Variants in MYT1L observed in about 807,000 individuals in gnomAD.
MYT1L encodes myelin transcription factor 1-like protein.
A neutral mutation model predicts 126.7 loss-of-function variants in MYT1L; 12 were observed. The observed-to-expected ratio is 0.09, with a 90% CI of 0.06 to 0.15. The LOEUF (loss-of-function observed/expected upper bound fraction) is 0.15, where lower values mean the gene tolerates loss of function less well. MYT1L is among the 10% of genes least tolerant of loss of function. The pLI, the probability that MYT1L is intolerant of heterozygous loss-of-function variation, is 1.00. For synonymous variants in MYT1L, 541 were observed against 604.2 expected, an observed-to-expected ratio of 0.90 and a Z score of 1.53; for missense variants, 979 against 1,585.2, an observed-to-expected ratio of 0.62 and a Z score of 6.49.
chr2:2,077,361 A>T (rs1379364914), intron 3 of MYT1L, among the ~76,000 whole-genome samples: 10 of 152,226 alleles, frequency 6.6e-5, no homozygotes, highest in Admixed American at 6.5e-4. Flanking sequence ...AATTCAATGT[A>T]GAATATACAT....
At chr2:2,263,106 C>A (rs912029104) in intron 2 of MYT1L, among the ~76,000 whole-genome samples, 1 of 151,220 alleles carries the variant, frequency 6.6e-6, no homozygotes. Flanking sequence ...AAAAAGAGAA[C>A]TATCATTGCC....
intron 13 of MYT1L, among the ~76,000 whole-genome samples, chr2:1,907,897 G>C (rs924750737): frequency 6.6e-6 from 1 of 152,266 alleles, no homozygotes. Flanking sequence ...GAGGCGGAAA[G>C]CCCGCAGGAG....
intron 18 of MYT1L, among the ~76,000 whole-genome samples, chr2:1,883,079 T>C (rs987924324): frequency 6.6e-6 from 1 of 152,180 alleles, no homozygotes; most frequent in Admixed American, 6.5e-5. Context: ...GATGACTCAG[T>C]CCAGGCTGAG....
At chr2:2,153,826 A>T (rs111896730) in intron 3 of MYT1L, among the ~76,000 whole-genome samples, 33 of 152,088 alleles carry the variant, frequency 2.2e-4, no homozygotes, top group Non-Finnish European at 4.0e-4. Flanking sequence ...GTCGGGTGGC[A>T]TCTGAAGAGG....
At chr2:1,839,874 A>G (rs1289986133) in intron 20 of MYT1L, among the ~76,000 whole-genome samples, 1 of 152,222 alleles carries the variant, frequency 6.6e-6, no homozygotes, top group African/African-American at 2.4e-5. Context: ...CAGCTAGAGA[A>G]GATCCTAAGC....
chr2:2,174,545 C>T (rs957313716), intron 2 of MYT1L, among the ~76,000 whole-genome samples: 3 of 152,144 alleles, frequency 2.0e-5, no homozygotes, highest in Non-Finnish European at 2.9e-5. Flanking sequence ...CAGAGACAGA[C>T]GTGACAGCGC....
chr2:1,966,946 C>G (rs1288517524), intron 8 of MYT1L, among the ~76,000 whole-genome samples: 1 of 151,970 alleles, frequency 6.6e-6, no homozygotes. Context: ...TATTTTTTTT[C>G]TCACTTTTTA....
At chr2:2,005,799 T>C (rs1463607009) in intron 4 of MYT1L, among the ~76,000 whole-genome samples, 2 of 133,352 alleles carry the variant, frequency 1.5e-5, no homozygotes, top group South Asian at 2.7e-4. Context: ...TTCTTTCCTG[T>C]GTGCCTTTCC....
At chr2:2,163,843 A>G (rs1173251907) in intron 3 of MYT1L, among the ~76,000 whole-genome samples, 1 of 152,144 alleles carries the variant, frequency 6.6e-6, no homozygotes, top group Non-Finnish European at 1.5e-5. Flanking sequence ...CATGCCCAGG[A>G]AATTGTTAGT....
At chr2:1,935,802 A>G (rs2055798813) in intron 9 of MYT1L, among the ~76,000 whole-genome samples, 1 of 152,236 alleles carries the variant, frequency 6.6e-6, no homozygotes. Context: ...TTATTTTCTT[A>G]GAGTGGACTT....
intron 1 of MYT1L, chr2:2,319,445 T>C (rs1236955870): frequency 1.3e-5 from 2 of 152,110 alleles, no homozygotes; most frequent in Non-Finnish European, 2.9e-5. Flanking sequence ...AACGTGTACT[T>C]AGAAACCATG....
intron 21 of MYT1L, among the ~76,000 whole-genome samples, chr2:1,821,074 C>T (rs776750634): frequency 2.0e-5 from 3 of 152,154 alleles, no homozygotes; most frequent in Non-Finnish European, 4.4e-5. Context: ...GTGATGAACC[C>T]GTCCATATAT....
At chr2:2,091,498 G>T (rs2076917738) in intron 3 of MYT1L, among the ~76,000 whole-genome samples, 2 of 152,140 alleles carry the variant, frequency 1.3e-5, no homozygotes, top group African/African-American at 2.4e-5. Context: ...AGTAGGTTTA[G>T]CATAACAATT....
At chr2:1,911,695 G>C in intron 12 of MYT1L, among the ~76,000 whole-genome samples, 1 of 152,210 alleles carries the variant, frequency 6.6e-6, no homozygotes, top group Non-Finnish European at 1.5e-5. Flanking sequence ...GCCACGTCCT[G>C]TCCAATGAAC....
At chr2:2,280,862 C>A (rs1184870727) in intron 2 of MYT1L, among the ~76,000 whole-genome samples, 1 of 152,206 alleles carries the variant, frequency 6.6e-6, no homozygotes, top group Non-Finnish European at 1.5e-5. Context: ...TCAAAGATTT[C>A]TAATTCCTTC....
At chr2:1,815,986 CT>C (rs900344211) in intron 21 of MYT1L, among the ~76,000 whole-genome samples, 8 of 152,116 alleles carry the variant, frequency 5.3e-5, no homozygotes, top group South Asian at 2.1e-4. Context: ...ACAGTTATCT[CT>C]TTTTTTTCTT....
chr2:2,106,867 T>C (rs555158078), intron 3 of MYT1L, among the ~76,000 whole-genome samples: 60 of 152,304 alleles, frequency 3.9e-4, no homozygotes, highest in African/African-American at 1.4e-3. Flanking sequence ...AGAGCAGACA[T>C]CCAGTGTCCA....
At chr2:1,874,502 G>A (rs1013917816) in intron 18 of MYT1L, among the ~76,000 whole-genome samples, 3 of 152,200 alleles carry the variant, frequency 2.0e-5, no homozygotes, top group African/African-American at 7.2e-5. Context: ...CCGTGGACGG[G>A]CCATGTGGGC....
chr2:2,034,334 C>G (rs1199423250), intron 4 of MYT1L, among the ~76,000 whole-genome samples: 2 of 144,636 alleles, frequency 1.4e-5, no homozygotes, highest in Non-Finnish European at 3.0e-5. Context: ...GAGCTCCTAA[C>G]TTCTCCCCAA....
Sources: allele counts gnomAD v4.1 joint callset (sites outside exome capture counted in the v4.1 genomes callset), GRCh38; gene constraint gnomAD v4.1.1; transcripts MANE v1.5; gene names NCBI Gene and HGNC (gene_info 2026-07-23, HGNC 2026-07-21).